NRF1: variants seen among roughly 807,000 people sequenced by gnomAD.
NRF1 encodes nuclear respiratory factor 1, also known as alpha palindromic-binding protein.
A neutral mutation model predicts 58.5 loss-of-function variants in NRF1; 5 were observed. The ratio of observed to expected loss-of-function variants is 0.09; its 90% CI spans 0.04 to 0.18. The LOEUF is 0.18. Ranked by LOEUF, NRF1 falls within the 10% of genes least tolerant of loss-of-function variation. The pLI is 1.00. For missense variants in NRF1, 288 were observed against 657.7 expected (o/e 0.44, Z 6.15); for synonymous variants, 224 against 246.7 (o/e 0.91, Z 0.86).
chr7:129,659,951 G>A (rs2151077023), intron 2 of NRF1, among the ~76,000 whole-genome samples: 1 of 152,262 alleles, frequency 6.6e-6, no homozygotes, highest in African/African-American at 2.4e-5. Context: ...GCTGATAAGA[G>A]ATACCCAAGA....
At chr7:129,662,529 A>G (rs12666356) in intron 2 of NRF1, among the ~76,000 whole-genome samples, 12,519 of 151,756 alleles carry the variant, frequency 0.082, 557 homozygotes, top group African/African-American at 0.12. Flanking sequence ...TTTCTGTTAC[A>G]TGTTGTTAAT....
intron 9 of NRF1, among the ~76,000 whole-genome samples, chr7:129,725,384 A>G (rs1803427195): frequency 6.8e-6 from 1 of 146,468 alleles, no homozygotes; most frequent in South Asian, 2.2e-4. Context: ...CTGGAGTGCA[A>G]TGGCATGATA....
chr7:129,707,627 G>A (rs150739827), intron 5 of NRF1, among the ~76,000 whole-genome samples: 4 of 152,266 alleles, frequency 2.6e-5, no homozygotes, highest in South Asian at 2.1e-4. Context: ...AGTAATGACC[G>A]CATGAGCCAG....
chr7:129,713,726 C>T (rs1037383210), intron 8 of NRF1, among the ~76,000 whole-genome samples: 1 of 152,132 alleles, frequency 6.6e-6, no homozygotes, highest in Non-Finnish European at 1.5e-5. Flanking sequence ...GGCAGCAAGC[C>T]CAGGGTGCTG....
chr7:129,639,580 C>G (rs1221705132), intron 1 of NRF1, among the ~76,000 whole-genome samples: 2 of 142,110 alleles, frequency 1.4e-5, no homozygotes, highest in Admixed American at 1.4e-4. Flanking sequence ...GAGTCTTGCT[C>G]TGTCGCCCAG....
At chr7:129,662,914 T>G (rs1174989691) in intron 2 of NRF1, among the ~76,000 whole-genome samples, 4 of 152,210 alleles carry the variant, frequency 2.6e-5, no homozygotes, top group Non-Finnish European at 4.4e-5. Context: ...CCTTCGGCCC[T>G]GTTTGTGTCC....
intron 1 of NRF1, among the ~76,000 whole-genome samples, chr7:129,626,019 T>C (rs566350965): frequency 1.3e-5 from 2 of 152,114 alleles, no homozygotes; most frequent in African/African-American, 2.4e-5. Flanking sequence ...AGGGTCTTAC[T>C]GTGTTGGCCA....
chr7:129,698,412 A>C (rs538646657), intron 5 of NRF1, among the ~76,000 whole-genome samples: 3 of 152,062 alleles, frequency 2.0e-5, no homozygotes, highest in Non-Finnish European at 2.9e-5. Context: ...GAAAATTTGG[A>C]TTTCTAGGCA....
rs1801686441 is a variant in NRF1 at position 129,657,539 on chromosome 7, C to T, written c.188C>T (p.Ala63Val). 2 of 1,613,726 alleles carry T rather than the reference C, an allele frequency of 1.2e-6. No individual in the cohort carries two copies. Among genetic ancestry groups the T allele is most frequent in the South Asian group, 1.1e-5 (1 of 91,074 alleles). Residue 63 changes from alanine (A) to valine (V), a missense_variant, in exon 2 of 11, where the codon GCA becomes GTA. Around this residue, in one of 3 missense-constraint regions of NRF1, gnomAD observed 212 missense variants for 559.7 expected, o/e 0.38. Coordinates refer to ENST00000393232, the MANE Select transcript of NRF1 (RefSeq NM_005011.5). ...GACTCAGATATACTCAACTCCACAG[C>T]AGCTGATGAGGTGACAGCTCATCTG... ...YDDSDILNST[A>V]ADEVTAHLAA...
At chr7:129,712,171 G>A (rs1200847537) in intron 8 of NRF1, among the ~76,000 whole-genome samples, 3 of 151,976 alleles carry the variant, frequency 2.0e-5, no homozygotes, top group Non-Finnish European at 2.9e-5. Context: ...TGAGAAAACC[G>A]AGACATAACA....
chr7:129,721,606 C>A (rs185489852), intron 9 of NRF1, among the ~76,000 whole-genome samples: 2,310 of 151,924 alleles, frequency 0.015, 56 homozygotes, highest in African/African-American at 0.053. Flanking sequence ...CTCGGTCTCC[C>A]AAGTAGCTGG....
intron 1 of NRF1, among the ~76,000 whole-genome samples, chr7:129,653,555 T>C (rs1397371853): frequency 6.6e-6 from 1 of 152,236 alleles, no homozygotes; most frequent in African/African-American, 2.4e-5. Context: ...TTCTATGGAT[T>C]TGAACAAATG....
intron 1 of NRF1, among the ~76,000 whole-genome samples, chr7:129,652,169 G>A (rs1195380092): frequency 1.3e-5 from 2 of 152,214 alleles, no homozygotes; most frequent in Admixed American, 6.5e-5. Flanking sequence ...CTATAGTAGA[G>A]TGGGACAAAA....
chr7:129,717,120 T>C, intron 8 of NRF1, 99 bp from the exon 9 acceptor site: 1 of 1,157,118 alleles, frequency 8.6e-7, no homozygotes. Flanking sequence ...TTAAAGAGTA[T>C]GTGTATTTAG....
intron 8 of NRF1, among the ~76,000 whole-genome samples, chr7:129,712,882 A>G (rs142937320): frequency 1.2e-3 from 184 of 152,272 alleles, no homozygotes; most frequent in Non-Finnish European, 1.7e-3. Flanking sequence ...CTAGAACAAG[A>G]TGACACTCCT....
intron 5 of NRF1, among the ~76,000 whole-genome samples, chr7:129,691,472 G>A (rs1433605762): frequency 1.3e-5 from 2 of 150,024 alleles, no homozygotes; most frequent in Non-Finnish European, 3.0e-5. Context: ...AGCGCTACTC[G>A]TGCCTCCGAA....
At chr7:129,698,765 G>A (rs1217162431) in intron 5 of NRF1, among the ~76,000 whole-genome samples, 1 of 152,210 alleles carries the variant, frequency 6.6e-6, no homozygotes, top group East Asian at 1.9e-4. Context: ...GAGCCCCCAG[G>A]TGATGCCAAT....
At chr7:129,708,069 A>G (rs1465630036) in intron 5 of NRF1, among the ~76,000 whole-genome samples, 1 of 152,064 alleles carries the variant, frequency 6.6e-6, no homozygotes, top group East Asian at 1.9e-4. Flanking sequence ...ATTCATTGCT[A>G]AAAGTGGCCT....
chr7:129,687,933 A>G (rs925766735), intron 4 of NRF1, among the ~76,000 whole-genome samples: 4 of 152,200 alleles, frequency 2.6e-5, no homozygotes, highest in African/African-American at 7.2e-5. Context: ...TTTTGTTGCA[A>G]ATTACTTAGG....
Sources: allele counts gnomAD v4.1 joint callset (sites outside exome capture counted in the v4.1 genomes callset), GRCh38; gene constraint gnomAD v4.1.1; regional missense constraint gnomAD v4.1.1; transcripts MANE v1.5; gene names NCBI Gene and HGNC (gene_info 2026-07-23, HGNC 2026-07-21).